The following CNTNAP5 variants were observed in gnomAD, a reference collection of about 807,000 sequenced individuals.
CNTNAP5 encodes contactin associated protein family member 5, also known as contactin-associated protein-like 5.
Under a neutral mutation model 150.2 loss-of-function variants are expected in CNTNAP5, and 72 were observed. The observed-to-expected ratio is 0.48, with a 90% confidence interval of 0.40 to 0.58. The LOEUF is 0.58. CNTNAP5 is among the 20% of genes least tolerant of loss of function. The pLI, the probability that CNTNAP5 is intolerant of heterozygous loss-of-function variation, is 0.00. For missense variants in CNTNAP5, 1,636 were observed against 1,626.2 expected (o/e 1.01, Z -0.10); for synonymous variants, 672 against 619.8 (o/e 1.08, Z -1.25).
chr2:124,418,147 G>A (rs564317514), intron 4 of CNTNAP5, among the ~76,000 whole-genome samples: 1 of 152,274 alleles, frequency 6.6e-6, no homozygotes, highest in Non-Finnish European at 1.5e-5. Context: ...GATCACTCTA[G>A]AATAAGGTTA....
chr2:124,901,408 G>A (rs1297097473), intron 21 of CNTNAP5, among the ~76,000 whole-genome samples: 6 of 147,562 alleles, frequency 4.1e-5, no homozygotes, highest in African/African-American at 8.1e-5. Context: ...GTGAAAGAAG[G>A]AGATAGAAGA....
At chr2:124,226,623 T>G (rs1686466249) in intron 2 of CNTNAP5, among the ~76,000 whole-genome samples, 1 of 152,300 alleles carries the variant, frequency 6.6e-6, no homozygotes, top group Non-Finnish European at 1.5e-5. Flanking sequence ...TCCCACTTGC[T>G]CATTTTTGTC....
intron 13 of CNTNAP5, among the ~76,000 whole-genome samples, chr2:124,664,340 A>C (rs1678653601): frequency 6.6e-6 from 1 of 151,956 alleles, no homozygotes; most frequent in African/African-American, 2.4e-5. Flanking sequence ...AAAAAAAAAA[A>C]AAAGGAAAGA....
chr2:124,153,857 C>T (rs1270739321), intron 1 of CNTNAP5, among the ~76,000 whole-genome samples: 2 of 151,988 alleles, frequency 1.3e-5, no homozygotes, highest in African/African-American at 4.8e-5. Flanking sequence ...AGTTGATCCA[C>T]CCGCCTCGGC....
At chr2:124,315,989 C>A (rs1034401962) in intron 3 of CNTNAP5, among the ~76,000 whole-genome samples, 2 of 152,182 alleles carry the variant, frequency 1.3e-5, no homozygotes, top group African/African-American at 4.8e-5. Flanking sequence ...CCGATACCAG[C>A]CTGAGGATGG....
intron 19 of CNTNAP5, among the ~76,000 whole-genome samples, chr2:124,845,978 T>TTGA (rs1281436353): frequency 6.6e-6 from 1 of 151,740 alleles, no homozygotes; most frequent in African/African-American, 2.4e-5. Flanking sequence ...GTCATTTTTG[T>TTGA]TGTTGTTGTT....
intron 19 of CNTNAP5, among the ~76,000 whole-genome samples, chr2:124,843,542 A>G (rs1682987147): frequency 6.6e-6 from 1 of 151,474 alleles, no homozygotes; most frequent in Admixed American, 6.6e-5. Flanking sequence ...GGATTGCTGA[A>G]TCTAACCGTA....
chr2:124,418,011 T>G (rs1691970191), intron 4 of CNTNAP5, among the ~76,000 whole-genome samples: 1 of 152,352 alleles, frequency 6.6e-6, no homozygotes, highest in Non-Finnish European at 1.5e-5. Context: ...CAACTAAATG[T>G]AATTCACAAA....
At chr2:124,131,729 G>T (rs1683853612) in intron 1 of CNTNAP5, among the ~76,000 whole-genome samples, 2 of 152,016 alleles carry the variant, frequency 1.3e-5, no homozygotes, top group Non-Finnish European at 1.5e-5. Flanking sequence ...CTAAATAAAA[G>T]ATTTTATAGG....
intron 1 of CNTNAP5, among the ~76,000 whole-genome samples, chr2:124,214,089 C>A (rs1246778703): frequency 6.6e-6 from 1 of 152,042 alleles, no homozygotes; most frequent in Non-Finnish European, 1.5e-5. Context: ...TGTATAGAGT[C>A]CTCATCCATG....
At chr2:124,594,755 C>T (rs577751997) in intron 11 of CNTNAP5, among the ~76,000 whole-genome samples, 2 of 131,022 alleles carry the variant, frequency 1.5e-5, no homozygotes, top group East Asian at 6.0e-4. Context: ...GATATTGATT[C>T]TTCCTACCCA....
intron 1 of CNTNAP5, among the ~76,000 whole-genome samples, chr2:124,113,753 G>T (rs1683359236): frequency 6.6e-6 from 1 of 151,644 alleles, no homozygotes; most frequent in African/African-American, 2.4e-5. Context: ...TCATCTAGAA[G>T]CCTTATTGTT....
chr2:124,654,506 C>T (rs933723529), intron 13 of CNTNAP5, among the ~76,000 whole-genome samples: 33 of 152,110 alleles, frequency 2.2e-4, no homozygotes, highest in African/African-American at 7.7e-4. Context: ...GTGTGGAAGG[C>T]TGTGACCACC....
At chr2:124,045,880 A>T (rs1681518996) in intron 1 of CNTNAP5, among the ~76,000 whole-genome samples, 1 of 152,114 alleles carries the variant, frequency 6.6e-6, no homozygotes, top group Non-Finnish European at 1.5e-5. Flanking sequence ...GACCCTTAAA[A>T]ATTCACATTC....
intron 14 of CNTNAP5, among the ~76,000 whole-genome samples, chr2:124,758,053 A>G (rs1191178458): frequency 6.6e-6 from 1 of 152,178 alleles, no homozygotes; most frequent in Non-Finnish European, 1.5e-5. Context: ...AAGAGAGTGG[A>G]TAGATTAGAA....
At chr2:124,622,018 G>C (rs1677626758) in intron 12 of CNTNAP5, among the ~76,000 whole-genome samples, 1 of 151,782 alleles carries the variant, frequency 6.6e-6, no homozygotes, top group Non-Finnish European at 1.5e-5. Context: ...TTTTTACATA[G>C]GTAAACGTGT....
intron 3 of CNTNAP5, among the ~76,000 whole-genome samples, chr2:124,264,304 A>G (rs1262641367): frequency 6.6e-6 from 1 of 151,912 alleles, no homozygotes; most frequent in Non-Finnish European, 1.5e-5. Flanking sequence ...CATAGAAATA[A>G]TATTCCGGTT....
chr2:124,203,679 G>C (rs1462201680), intron 1 of CNTNAP5, among the ~76,000 whole-genome samples: 1 of 152,200 alleles, frequency 6.6e-6, no homozygotes, highest in Non-Finnish European at 1.5e-5. Flanking sequence ...GATGTGAGCT[G>C]CCAAGACTTG....
chr2:124,778,643 G>A (rs1444353942), intron 17 of CNTNAP5: 1 of 153,278 alleles, frequency 6.5e-6, no homozygotes, highest in Non-Finnish European at 1.5e-5. Context: ...CATAAACCAG[G>A]AAGCAACTTA....
Sources: allele counts gnomAD v4.1 joint callset (sites outside exome capture counted in the v4.1 genomes callset), GRCh38; gene constraint gnomAD v4.1.1; transcripts MANE v1.5; gene names NCBI Gene and HGNC (gene_info 2026-07-23, HGNC 2026-07-21).